The following IWS1 variants were observed in gnomAD, a reference collection of about 807,000 sequenced individuals.
IWS1 encodes the protein protein IWS1 homolog.
In IWS1, 27 loss-of-function variants were observed where a neutral mutation model predicts 86.7. The ratio of observed to expected loss-of-function variants is 0.31; its 90% CI spans 0.23 to 0.43. IWS1 has a LOEUF of 0.43. Ranked by LOEUF, IWS1 falls within the 20% of genes least tolerant of loss-of-function variation. The pLI is 1.00. For synonymous variants in IWS1, 313 were observed against 335.1 expected, an observed-to-expected ratio of 0.93 and a Z score of 0.72; for missense variants, 827 against 1,000.8, an observed-to-expected ratio of 0.83 and a Z score of 2.34.
At chr2:127,508,708 AT>A (rs908149233) in intron 2 of IWS1, among the ~76,000 whole-genome samples, 1 of 152,206 alleles carries the variant, frequency 6.6e-6, no homozygotes. Context: ...CTCAAGGATC[AT>A]TTTACTAGAG....
At chr2:127,527,183 A>G (rs1024152105), upstream of IWS1, among the ~76,000 whole-genome samples, 1 of 152,186 alleles carries the variant, frequency 6.6e-6, no homozygotes, top group Non-Finnish European at 1.5e-5. Flanking sequence ...ACCCGTCTCC[A>G]TGTGACTCAG....
chr2:127,505,111 T>C lies in IWS1; in HGVS notation c.792A>G (p.Glu264=). The stretch of plus-strand genomic sequence containing the variant: ...TTCGGGGTTTGGGAAGCTCTTCATT[T>C]TCTGAGTCACTGGCCTGGTGCCTCG... ...DPPRHQASDS[E]NEELPKPRIS... Residue 264 remains glutamate, a synonymous_variant, in exon 3 of 14, where the codon GAA becomes GAG. Transcript: ENST00000295321. The surrounding 1 kb of genome is among the most constrained non-coding windows in gnomAD (Gnocchi z 5.0). 6.2e-7 allele frequency: 1 copy of C among 1,610,780 alleles called. No individual in the cohort carries two copies.
rs1382386519 is a variant in IWS1, at chr2:127,503,453, A to G, written c.1343T>C (p.Leu448Ser). Residue 448 changes from leucine to serine, a missense_variant, in exon 4 of 14, where the codon TTG becomes TCG. Transcript: ENST00000295321. The stretch of plus-strand genomic sequence containing the variant: ...CTTCTCTTCATTTTTCTTATCAGAC[A>G]ATTCTTTCCCAGCTTCTTCCTCACT... ...SDSEEEAGKE[L>S]SDKKNEEKDL... 1 of 1,613,366 alleles carries G rather than the reference A, an allele frequency of 6.2e-7. No homozygotes were observed. Among genetic ancestry groups the G allele is most frequent in the Non-Finnish European group, 8.5e-7 (1 of 1,179,670 alleles).
At position 127,504,791 on chromosome 2, in the gene IWS1, T is replaced by C. The variant is rs1359805509; in HGVS notation, c.1112A>G (p.Lys371Arg). ...TTCATCACTGTCCATTTTTTGCTTT[T>C]TGTGTTCTTCCTCCTCACTATCAGA... The part of the protein sequence containing the change: ...HSSDSEEEEH[K>R]KQKMDSDEDE... The change falls in exon 3 of 14, where the codon AAA becomes AGA. Residue 371 changes from lysine to arginine, a missense_variant. This residue lies in a region of IWS1 where 548 missense variants were observed against 560.2 expected (regional missense o/e 0.98). Coordinates refer to ENST00000295321, the MANE Select transcript of IWS1 (RefSeq NM_017969.3). 1.9e-6 allele frequency: 3 copies of C among 1,614,116 alleles called. No homozygotes were observed. Among genetic ancestry groups the C allele is most frequent in the Admixed American group, 1.7e-5 (1 of 60,014 alleles).
At chr2:127,512,604 G>C (rs1175792211) in intron 2 of IWS1, among the ~76,000 whole-genome samples, 2 of 152,144 alleles carry the variant, frequency 1.3e-5, no homozygotes, top group Non-Finnish European at 2.9e-5. Flanking sequence ...TAGCTAGACA[G>C]AATTACCACC....
chr2:127,521,508 C>T (rs534770006), intron 2 of IWS1, among the ~76,000 whole-genome samples: 12 of 152,276 alleles, frequency 7.9e-5, no homozygotes, highest in African/African-American at 2.6e-4. Context: ...AAGCCAAAAA[C>T]GCATTTCATA....
Position 127,489,492 on chromosome 2 carries a change from T to A in IWS1, c.2160-257A>T. The A allele has an allele frequency of 3.8e-6, 2 of 520,466 alleles. No homozygotes were observed. The highest frequency in any genetic ancestry group is 5.4e-5 in the South Asian group (2 of 36,776). 32.2% of individuals were successfully genotyped at this position (520,466 alleles called of 1,614,324 possible). On this transcript the variant is annotated intron_variant, in intron 11 of 13. Transcript: ENST00000295321. The surrounding 1 kb of genome is among the most constrained non-coding windows in gnomAD (Gnocchi z 4.8). ...CTCCTGGATGCAACTGTATCCACTA[T>A]TATCAATACAAACTAAAACTATAAC... is the stretch of plus-strand genomic sequence containing the variant.
At chr2:127,486,687 C>A (rs758396881) in intron 12 of IWS1, 23 bp from the exon 13 acceptor site, 1 of 1,584,980 alleles carries the variant, frequency 6.3e-7, no homozygotes, top group South Asian at 1.1e-5. Flanking sequence ...AGAGGAAGAG[C>A]ATGCTTCTTA....
intron 2 of IWS1, among the ~76,000 whole-genome samples, chr2:127,506,177 G>A (rs140923032): frequency 0.026 from 3,956 of 152,212 alleles, 84 homozygotes; most frequent in South Asian, 0.068. Context: ...AGACCAGCCC[G>A]GCCAACATGG....
chr2:127,523,868 A>G (rs1692243493), intron 1 of IWS1, 77 bp from the exon 2 acceptor site: 6 of 984,592 alleles, frequency 6.1e-6, no homozygotes, highest in Non-Finnish European at 9.3e-6. Flanking sequence ...ACACTGAATC[A>G]AGAATAACGT....
At chr2:127,526,899 CTGTGATG>C, upstream of IWS1, 1 of 330,420 alleles carries the variant, frequency 3.0e-6, no homozygotes, top group African/African-American at 2.2e-5. Context: ...CGCCCGCGAG[CTGTGATG>C]CGTTACTAAC....
intron 2 of IWS1, among the ~76,000 whole-genome samples, chr2:127,519,375 C>T (rs1341834900): frequency 6.6e-6 from 1 of 151,156 alleles, no homozygotes; most frequent in African/African-American, 2.4e-5. Flanking sequence ...TTTTTAATAA[C>T]TAAAGGAGCT....
In IWS1 at chr2:127,493,323, A is replaced by G. The variant is rs969602240; in HGVS notation, c.1887T>C (p.Pro629=). 12 of 1,613,718 alleles carry G rather than the reference A, an allele frequency of 7.4e-6. No homozygotes were observed. The highest frequency in any genetic ancestry group is 1.0e-5 in the Non-Finnish European group (12 of 1,179,908). ...GCAGCTCCTCCCGGATCTTGAGTGCAGGCAAACTCCTATCTGGTAGAGGTG... is the reference window on the plus strand; with the variant it reads ...GCAGCTCCTCCCGGATCTTGAGTGCGGGCAAACTCCTATCTGGTAGAGGTG... ...WLSPLPDRSL[P]ALKIREELLK... is the part of the protein sequence containing the mutation. The change falls in exon 9 of 14, where the codon CCT becomes CCC. Residue 629 remains proline, a synonymous_variant. Transcript: ENST00000295321.
chr2:127,489,713 T>C lies in IWS1; in HGVS notation c.2159+119A>G. On this transcript the variant is annotated intron_variant, in intron 11 of 13. Coordinates refer to ENST00000295321, the MANE Select transcript of IWS1 (RefSeq NM_017969.3). The surrounding 1 kb of genome is among the most constrained non-coding windows in gnomAD (Gnocchi z 4.8). Reference sequence around the variant, plus strand: ...AAGGATATTATGAATTATGTACACATATCAAGCTGAGAGGAAAGGAAATCC... The same window carrying C: ...AAGGATATTATGAATTATGTACACACATCAAGCTGAGAGGAAAGGAAATCC... 3 of 721,446 alleles carry C rather than the reference T, an allele frequency of 4.2e-6. No individual in the cohort carries two copies. Among genetic ancestry groups the C allele is most frequent in the South Asian group, 3.2e-5 (2 of 62,570 alleles). 44.7% of individuals were successfully genotyped at this position (721,446 alleles called of 1,614,324 possible).
chr2:127,492,425 A>G (rs1326847619), intron 9 of IWS1, among the ~76,000 whole-genome samples: 1 of 152,138 alleles, frequency 6.6e-6, no homozygotes, highest in Non-Finnish European at 1.5e-5. Flanking sequence ...AGGCGCCTGT[A>G]ATCCCAGCTA....
intron 2 of IWS1, among the ~76,000 whole-genome samples, chr2:127,515,207 G>T (rs1691703781): frequency 6.6e-6 from 1 of 152,146 alleles, no homozygotes; most frequent in South Asian, 2.1e-4. Flanking sequence ...TTCACCCAAG[G>T]GGTTAGTGGG....
upstream of IWS1, chr2:127,526,496 G>C (rs1692430522): frequency 1.3e-6 from 2 of 1,509,388 alleles, no homozygotes; most frequent in Non-Finnish European, 1.8e-6. Flanking sequence ...GTCTGCCCAC[G>C]ACCCTCAAAG....
rs1219602492 is a variant in IWS1 at position 127,526,217 on chromosome 2, G to C, written c.-9C>G. The C allele has an allele frequency of 6.4e-7, 1 of 1,567,140 alleles. No individual in the cohort carries two copies. The highest frequency in any genetic ancestry group is 8.6e-7 in the Non-Finnish European group (1 of 1,157,964). Reference sequence around the variant, plus strand: ...TAATATTCCGAGTCCATGGCAGGCGGACTCTCAGCGGGGAGTGTCCGCGCC... The same window carrying C: ...TAATATTCCGAGTCCATGGCAGGCGCACTCTCAGCGGGGAGTGTCCGCGCC... On this transcript the variant is annotated 5_prime_UTR_variant, in exon 1 of 14. Transcript: ENST00000295321.
At chr2:127,509,118 G>C (rs183349309) in intron 2 of IWS1, among the ~76,000 whole-genome samples, 1 of 152,130 alleles carries the variant, frequency 6.6e-6, no homozygotes, top group East Asian at 1.9e-4. Context: ...TAATAGACTC[G>C]AGCTAAAGAA....
Sources: allele counts gnomAD v4.1 joint callset (sites outside exome capture counted in the v4.1 genomes callset), GRCh38; gene constraint gnomAD v4.1.1; regional missense constraint gnomAD v4.1.1; non-coding constraint Gnocchi (gnomAD v3.1); transcripts MANE v1.5; gene names NCBI Gene and HGNC (gene_info 2026-07-23, HGNC 2026-07-21).